Variants in CNTN5 observed in about 807,000 individuals in gnomAD.
CNTN5 encodes the protein contactin-5.
In CNTN5, 77 loss-of-function variants were observed where a neutral mutation model predicts 129.1. The observed-to-expected ratio is 0.60, with a 90% CI of 0.50 to 0.72. The LOEUF (loss-of-function observed/expected upper bound fraction) is 0.72. CNTN5 is among the 30% of genes least tolerant of loss of function. The pLI is 0.00. For synonymous variants in CNTN5, 509 were observed against 465.6 expected (o/e 1.09, Z -1.20); for missense variants, 1,478 against 1,328.8 (o/e 1.11, Z -1.75).
intron 4 of CNTN5, 157 bp from the exon 5 acceptor site, chr11:99,844,695 C>A: frequency 3.1e-6 from 2 of 637,386 alleles, no homozygotes; most frequent in Admixed American, 3.3e-5. Context: ...TTTAATAAAA[C>A]AATGCAGTTT....
In CNTN5 at chr11:100,285,934, C is replaced by T. The variant is rs527310831; in HGVS notation, c.2315-11691C>T. ...CGAGCCGAAGCAGGGCGAGGCGTTG[C>T]CTCACTTGGGAAGCGCAAGGGGTCA... On this transcript the variant is annotated intron_variant, in intron 18 of 24. Coordinates refer to ENST00000524871, the MANE Select transcript of CNTN5 (RefSeq NM_014361.4). 1.2e-4 allele frequency among the ~76,000 whole-genome samples: 19 copies of T among 152,324 alleles called. No individual in the cohort carries two copies. The South Asian group carries it at 3.9e-3, about 32-fold the overall frequency.
chr11:99,176,142 T>C (rs1206408603), intron 1 of CNTN5, among the ~76,000 whole-genome samples: 1 of 152,248 alleles, frequency 6.6e-6, no homozygotes, highest in Admixed American at 6.5e-5. Flanking sequence ...TTTGTGATAC[T>C]GTTTTCCATT....
In CNTN5 at chr11:99,261,677, G is replaced by A. The variant is rs141490038; in HGVS notation, c.-209-63669G>A. Among the ~76,000 whole-genome samples, 6 of 152,130 alleles carry A rather than the reference G, an allele frequency of 3.9e-5. No individual in the cohort carries two copies. The East Asian group carries it at 1.2e-3, about 29-fold the overall frequency. On this transcript the variant is annotated intron_variant, in intron 1 of 24. Transcript: ENST00000524871. ...TGCATACACATTTGTCAGTTTTGTG[G>A]TGTAATTTTCATAACTAACATCATC... is the stretch of plus-strand genomic sequence containing the variant.
At chr11:99,382,224 T>C (rs1473910178) in intron 2 of CNTN5, among the ~76,000 whole-genome samples, 1 of 151,998 alleles carries the variant, frequency 6.6e-6, no homozygotes, top group African/African-American at 2.4e-5. Context: ...GAGAAAGAAG[T>C]TGTACCCTAG....
intron 9 of CNTN5, among the ~76,000 whole-genome samples, chr11:100,039,116 C>T (rs1369285566): frequency 6.6e-6 from 1 of 152,122 alleles, no homozygotes; most frequent in Non-Finnish European, 1.5e-5. Flanking sequence ...CCGGTTGTTC[C>T]TTTCCATGTT....
chr11:99,506,668 C>G (rs1173295245), intron 2 of CNTN5, among the ~76,000 whole-genome samples: 1 of 152,088 alleles, frequency 6.6e-6, no homozygotes, highest in Admixed American at 6.5e-5. Context: ...GTAGGAATTT[C>G]AATGTAGTAA....
intron 6 of CNTN5, among the ~76,000 whole-genome samples, chr11:99,876,134 A>G (rs889904315): frequency 6.6e-6 from 1 of 152,032 alleles, no homozygotes; most frequent in Non-Finnish European, 1.5e-5. Flanking sequence ...TGTCTAGAAT[A>G]CTCTGTAACT....
At chr11:99,584,889 A>G (rs1244770939) in intron 3 of CNTN5, among the ~76,000 whole-genome samples, 1 of 152,248 alleles carries the variant, frequency 6.6e-6, no homozygotes, top group African/African-American at 2.4e-5. Context: ...TATTTTCTTA[A>G]AAGTGAACTG....
intron 2 of CNTN5, among the ~76,000 whole-genome samples, chr11:99,499,117 C>G (rs1946335670): frequency 1.3e-5 from 2 of 152,130 alleles, no homozygotes; most frequent in South Asian, 2.1e-4. Context: ...GATATCATAT[C>G]TAAATTTTGT....
intron 3 of CNTN5, among the ~76,000 whole-genome samples, chr11:99,645,807 G>A (rs1190050021): frequency 6.6e-6 from 1 of 151,492 alleles, no homozygotes; most frequent in Non-Finnish European, 1.5e-5. Flanking sequence ...GGGGTGGGGG[G>A]CTAGGGGAGC....
intron 2 of CNTN5, among the ~76,000 whole-genome samples, chr11:99,383,430 CAT>C (rs1274133498): frequency 2.6e-5 from 4 of 152,180 alleles, no homozygotes; most frequent in Non-Finnish European, 4.4e-5. Context: ...AATATTGAGA[CAT>C]AGACTGTCCC....
At chr11:99,473,216 C>G (rs942428965) in intron 2 of CNTN5, among the ~76,000 whole-genome samples, 1 of 152,018 alleles carries the variant, frequency 6.6e-6, no homozygotes, top group East Asian at 1.9e-4. Flanking sequence ...TAGCAACAAC[C>G]TTGGAAAATC....
At chr11:99,608,612 C>G (rs1397096013) in intron 3 of CNTN5, among the ~76,000 whole-genome samples, 1 of 152,090 alleles carries the variant, frequency 6.6e-6, no homozygotes, top group Admixed American at 6.6e-5. Flanking sequence ...GGGAGATTAA[C>G]ATAGTCATCT....
At chr11:100,289,111 T>A (rs1010798351) in intron 18 of CNTN5, among the ~76,000 whole-genome samples, 2 of 152,042 alleles carry the variant, frequency 1.3e-5, no homozygotes, top group African/African-American at 4.8e-5. Flanking sequence ...ATTGTGGCAA[T>A]AATCAATAGT....
chr11:99,131,017 C>T (rs1284472865), intron 1 of CNTN5, among the ~76,000 whole-genome samples: 1 of 151,672 alleles, frequency 6.6e-6, no homozygotes, highest in Non-Finnish European at 1.5e-5. Context: ...AATCCCAGCA[C>T]TTTGGGAGGC....
chr11:99,663,073 G>A (rs1338157553), intron 3 of CNTN5, among the ~76,000 whole-genome samples: 1 of 151,950 alleles, frequency 6.6e-6, no homozygotes, highest in Non-Finnish European at 1.5e-5. Context: ...TCTTCTAGCA[G>A]TGCAAAAGAC....
chr11:99,343,975 C>A (rs1386003820), intron 2 of CNTN5, among the ~76,000 whole-genome samples: 1 of 152,142 alleles, frequency 6.6e-6, no homozygotes, highest in East Asian at 1.9e-4. Flanking sequence ...AAATGATAAA[C>A]CTAAAAAATA....
intron 6 of CNTN5, among the ~76,000 whole-genome samples, chr11:99,886,374 A>C (rs1331907401): frequency 6.6e-6 from 1 of 152,152 alleles, no homozygotes; most frequent in Non-Finnish European, 1.5e-5. Context: ...ATTTTATGAA[A>C]TAGTCAATGC....
chr11:99,243,332 A>T lies in CNTN5; in HGVS notation c.-209-82014A>T, dbSNP rs889656698. On this transcript the variant is annotated intron_variant, in intron 1 of 24. Coordinates refer to ENST00000524871, the MANE Select transcript of CNTN5 (RefSeq NM_014361.4). ...TTATTTGGGTTTTGTCAGTTTAATT[A>T]TGTTACTTATAGGTTCTGGATATTA... Among the ~76,000 whole-genome samples the T allele has an allele frequency of 2.0e-5, 3 of 151,904 alleles. No homozygotes were observed. In the South Asian group the frequency reaches 6.2e-4, roughly 32 times the overall value.
Sources: gnomAD v4.1 joint callset for allele counts (sites outside exome capture counted in the v4.1 genomes callset) on GRCh38, gnomAD v4.1.1 for gene constraint, MANE v1.5 for transcripts, NCBI Gene and HGNC (gene_info 2026-07-23, HGNC 2026-07-21) for gene names.